Variants in SLC2A5 observed in about 807,000 individuals in gnomAD.
The protein encoded by SLC2A5 is solute carrier family 2 member 5, also known as solute carrier family 2, facilitated glucose transporter member 5.
Under a neutral mutation model 50.3 loss-of-function variants are expected in SLC2A5, and 56 were observed. The ratio of observed to expected loss-of-function variants is 1.11; its 90% CI spans 0.90 to 1.39. SLC2A5 has a LOEUF of 1.39. Ranked by LOEUF, SLC2A5 falls within the 40% of genes most tolerant of loss-of-function variation. The probability of loss-of-function intolerance (pLI) is 0.00; values close to 1 mark genes in which losing one functional copy is unlikely to be tolerated. For missense variants in SLC2A5, 566 were observed against 650.1 expected (o/e 0.87, Z 1.41); for synonymous variants, 269 against 281.9 (o/e 0.95, Z 0.46).
rs574051968 is a variant in SLC2A5 at position 9,044,472 on chromosome 1, C to T, written c.419-2535G>A. ...AAAAGTCATACTCATCTTGGCACCC[C>T]CCTTGTCAAGGTAGTTGTTTACTTC... On this transcript the variant is annotated intron_variant, in intron 4 of 11. Coordinates refer to ENST00000377424, the MANE Select transcript of SLC2A5 (RefSeq NM_003039.3). 5.9e-5 allele frequency among the ~76,000 whole-genome samples: 9 copies of T among 152,286 alleles called. No homozygotes were observed. The South Asian group carries it at 1.9e-3, about 32-fold the overall frequency.
At position 9,035,527 on chromosome 1, in the gene SLC2A5, T is replaced by C. The variant is rs886899016; in HGVS notation, c.*2059A>G. 1 of 152,324 alleles carries C rather than the reference T, an allele frequency of 6.6e-6. No individual in the cohort carries two copies. Among genetic ancestry groups the C allele is most frequent in the Non-Finnish European group, 1.5e-5 (1 of 68,130 alleles). 9.4% of individuals were successfully genotyped at this position (152,324 alleles called of 1,614,324 possible). On this transcript the variant is annotated 3_prime_UTR_variant, in exon 12 of 12. Transcript: ENST00000377424. The stretch of plus-strand genomic sequence containing the variant: ...CACAAAAAGTGCTCCCAAGTCCCAC[T>C]GCTCTCTCTCCCGGCCACCAGCCTC...
chr1:9,049,278 CAACAG>C (rs1641512015), intron 3 of SLC2A5: 1 of 440,498 alleles, frequency 2.3e-6, no homozygotes, highest in South Asian at 1.6e-5. Context: ...CACCTTCAGA[CAACAG>C]AATCAGACTG....
At chr1:9,050,630 A>G (rs1641546828) in intron 3 of SLC2A5, among the ~76,000 whole-genome samples, 1 of 151,838 alleles carries the variant, frequency 6.6e-6, no homozygotes, top group Non-Finnish European at 1.5e-5. Flanking sequence ...ATAGCTTAGG[A>G]AAAAAAAATC....
chr1:9,039,470 G>C, intron 8 of SLC2A5, 82 bp downstream of exon 8: 1 of 1,024,484 alleles, frequency 9.8e-7, no homozygotes, highest in East Asian at 3.0e-5. Flanking sequence ...GCCACGGGCT[G>C]CCCTTTTGGC....
upstream of SLC2A5, among the ~76,000 whole-genome samples, chr1:9,073,750 T>C (rs187670430): frequency 1.9e-3 from 287 of 152,340 alleles, no homozygotes; most frequent in Non-Finnish European, 3.5e-3. Context: ...ACTCAGTACA[T>C]GCTTCTGTAC....
chr1:9,078,854 T>C (rs1306886327), intron 2 of SLC2A5, among the ~76,000 whole-genome samples: 1 of 152,152 alleles, frequency 6.6e-6, no homozygotes, highest in East Asian at 1.9e-4. Flanking sequence ...TGCTCAGCTG[T>C]TTTTCTTTTC....
At chr1:9,069,776 A>G, upstream of SLC2A5, 1 of 566,304 alleles carries the variant, frequency 1.8e-6, no homozygotes. Flanking sequence ...TGGGGACTGC[A>G]GGCCCAGCAT....
At chr1:9,061,203 G>A (rs958984449) in intron 1 of SLC2A5, among the ~76,000 whole-genome samples, 30 of 149,662 alleles carry the variant, frequency 2.0e-4, no homozygotes, top group African/African-American at 6.2e-4. Context: ...GATCACTTGA[G>A]CACGGGACGC....
chr1:9,046,917 G>GA (rs1300651980), intron 4 of SLC2A5, among the ~76,000 whole-genome samples: 1 of 151,978 alleles, frequency 6.6e-6, no homozygotes, highest in African/African-American at 2.4e-5. Context: ...GTTCTCCCAT[G>GA]TTTTTCTTGT....
chr1:9,087,188 T>C (rs1642410959), intron 1 of SLC2A5, among the ~76,000 whole-genome samples: 1 of 151,602 alleles, frequency 6.6e-6, no homozygotes, highest in Admixed American at 6.6e-5. Context: ...CAAGCCACAT[T>C]TTGTGTTTCT....
upstream of SLC2A5, among the ~76,000 whole-genome samples, chr1:9,091,889 A>T (rs76799504): frequency 4.6e-5 from 7 of 152,280 alleles, no homozygotes; most frequent in East Asian, 1.4e-3. Context: ...CCCGACAAGC[A>T]GAACTAGTTG....
Position 9,038,525 on chromosome 1 carries a change from T to C in SLC2A5, c.1099-19A>G. ...CTGTGTCCTGTGGAGAGAAAGCAGT[T>C]GGTTCACCTGGAGCAGACAAGCTAG... is the stretch of plus-strand genomic sequence containing the variant. On this transcript the variant is annotated intron_variant, in intron 9 of 11. Transcript: ENST00000377424. 1 of 1,602,232 alleles carries C rather than the reference T, an allele frequency of 6.2e-7. No individual in the cohort carries two copies. The highest frequency in any genetic ancestry group is 8.5e-7 in the Non-Finnish European group (1 of 1,170,114).
chr1:9,045,697 C>G (rs1174783128), intron 4 of SLC2A5, among the ~76,000 whole-genome samples: 1 of 151,862 alleles, frequency 6.6e-6, no homozygotes, highest in Non-Finnish European at 1.5e-5. Context: ...TAGTGAAACC[C>G]CATCTCTACC....
intron 2 of SLC2A5, among the ~76,000 whole-genome samples, chr1:9,079,822 CTT>C (rs1390788604): frequency 2.0e-5 from 3 of 152,176 alleles, no homozygotes; most frequent in Non-Finnish European, 4.4e-5. Flanking sequence ...TAACATAAAA[CTT>C]ATCATTTTAA....
At position 9,047,732 on chromosome 1, in the gene SLC2A5, T is replaced by C. The variant is rs764139584; in HGVS notation, c.296A>G (p.Lys99Arg). Residue 99 changes from lysine (K) to arginine (R), a missense_variant and splice_region_variant, in exon 4 of 12, where the codon AAA becomes AGA. Physicochemically the swap from Lys to Arg is conservative, Grantham distance 26. Coordinates refer to ENST00000377424, the MANE Select transcript of SLC2A5 (RefSeq NM_003039.3). ...TATGTTGTTGAACAGCAAGGCCCCT[T>C]TTCTGCAGAGGACAAAATATCAGTT... is the stretch of plus-strand genomic sequence containing the variant. ...VGPLVNKFGR[K>R]GALLFNNIFS... 4.3e-6 allele frequency: 7 copies of C among 1,613,128 alleles called. No individual in the cohort carries two copies. The East Asian group carries it at 1.6e-4, about 36-fold the overall frequency.
chr1:9,037,657 T>C lies in SLC2A5; in HGVS notation c.1435A>G (p.Asn479Asp). 1 of 1,614,174 alleles carries C rather than the reference T, an allele frequency of 6.2e-7. No individual in the cohort carries two copies. Among genetic ancestry groups the C allele is most frequent in the Non-Finnish European group, 8.5e-7 (1 of 1,180,026 alleles). Residue 479 changes from asparagine to aspartate, a missense_variant, in exon 12 of 12, where the codon AAT becomes GAT. Asn to Asp is a conservative substitution (Grantham distance 23). Coordinates refer to ENST00000377424, the MANE Select transcript of SLC2A5 (RefSeq NM_003039.3). The stretch of plus-strand genomic sequence containing the variant: ...TCCGGGTACACTTCAGACACCTTAT[T>C]CATCTTGGTGAAAATCTGGTTGATC... ...IEINQIFTKMNKVSEVYPEKE... is the reference protein window; with the variant it reads ...IEINQIFTKMDKVSEVYPEKE...
Position 9,040,261 on chromosome 1 carries a change from C to A in SLC2A5, c.572-72G>T. The A allele has an allele frequency of 2.0e-6, 3 of 1,505,790 alleles. No homozygotes were observed. Among genetic ancestry groups the A allele is most frequent in the South Asian group, 2.5e-5 (2 of 79,210 alleles). 93.3% of individuals were successfully genotyped at this position (1,505,790 alleles called of 1,614,324 possible). A position where few individuals can be genotyped will look rare whatever the true frequency, so the allele number is the denominator to read the frequency against. On this transcript the variant is annotated intron_variant, in intron 5 of 11. Coordinates refer to ENST00000377424, the MANE Select transcript of SLC2A5 (RefSeq NM_003039.3). This position sits in a 1 kb window ranked among gnomAD's most constrained non-coding sequence, Gnocchi z 4.3. Reference sequence around the variant, plus strand: ...CGAAGGCGCCCTCTGCAGAGCCGGCCCCAGCCCCGTCATCCTGAGTGGGGT... The same window carrying A: ...CGAAGGCGCCCTCTGCAGAGCCGGCACCAGCCCCGTCATCCTGAGTGGGGT...
At chr1:9,055,177 G>C (rs1249470058) in intron 3 of SLC2A5, among the ~76,000 whole-genome samples, 1 of 152,062 alleles carries the variant, frequency 6.6e-6, no homozygotes, top group Admixed American at 6.6e-5. Flanking sequence ...TGTGATCTTG[G>C]GTAAGTTACA....
intron 3 of SLC2A5, among the ~76,000 whole-genome samples, chr1:9,056,893 G>C (rs1310802053): frequency 6.6e-6 from 1 of 152,134 alleles, no homozygotes; most frequent in East Asian, 1.9e-4. Flanking sequence ...GGGTCTGCCC[G>C]AGGGCCTGTA....
Sources: allele counts gnomAD v4.1 joint callset (sites outside exome capture counted in the v4.1 genomes callset), GRCh38; gene constraint gnomAD v4.1.1; non-coding constraint Gnocchi (gnomAD v3.1); transcripts MANE v1.5; gene names NCBI Gene and HGNC (gene_info 2026-07-23, HGNC 2026-07-21).